The following ANKRD10 variants were observed in gnomAD, a reference collection of about 807,000 sequenced individuals.
The protein encoded by ANKRD10 is ankyrin repeat domain 10, also known as ankyrin repeat domain-containing protein 10.
A neutral mutation model predicts 27.0 loss-of-function variants in ANKRD10; 14 were observed. The ratio of observed to expected loss-of-function variants is 0.52; its 90% CI spans 0.34 to 0.81. The LOEUF (loss-of-function observed/expected upper bound fraction) is 0.81, where lower values mean the gene tolerates loss of function less well. ANKRD10 is among the 40% of genes least tolerant of loss of function. The pLI is 0.01. For missense variants in ANKRD10, 493 were observed against 544.0 expected (o/e 0.91, Z 0.93); for synonymous variants, 250 against 224.5 (o/e 1.11, Z -1.01).
In ANKRD10 at chr13:110,914,801, G is replaced by A; in HGVS notation, c.134C>T (p.Thr45Ile). ...LATLCSLLQQTPHAHLASEDS... is the reference protein window; with the variant it reads ...LATLCSLLQQIPHAHLASEDS... ...CTCAGAGGCCAGGTGGGCGTGGGGT[G>A]TCTGCTGCAGCAGCGAGCAGAGCGT... The change falls in exon 1 of 6, where the codon ACA becomes ATA. Residue 45 changes from threonine to isoleucine, a missense_variant. Transcript: ENST00000267339. The A allele has an allele frequency of 1.9e-6, 3 of 1,594,452 alleles. No homozygotes were observed. The highest frequency in any genetic ancestry group is 1.1e-5 in the South Asian group (1 of 87,980).
At chr13:110,891,386 T>C (rs548776554) in intron 4 of ANKRD10, among the ~76,000 whole-genome samples, 1 of 152,342 alleles carries the variant, frequency 6.6e-6, no homozygotes, top group Non-Finnish European at 1.5e-5. Context: ...AAAGACCATT[T>C]TGAATTTTAT....
chr13:110,891,818 CT>C (rs1415513482), intron 4 of ANKRD10, among the ~76,000 whole-genome samples: 1 of 151,594 alleles, frequency 6.6e-6, no homozygotes, highest in African/African-American at 2.4e-5. Context: ...ACCTCTCCCC[CT>C]AAGTTCACTA....
At chr13:110,888,840 T>C (rs2065002449) in intron 4 of ANKRD10, among the ~76,000 whole-genome samples, 1 of 152,230 alleles carries the variant, frequency 6.6e-6, no homozygotes, top group South Asian at 2.1e-4. Flanking sequence ...ATGAATGAGA[T>C]TCTAAGATCA....
At chr13:110,894,146 A>T (rs1024589155) in intron 3 of ANKRD10, 1 of 1,612,276 alleles carries the variant, frequency 6.2e-7, no homozygotes, top group African/African-American at 1.3e-5. Context: ...ATCAAAAGTA[A>T]CTCCATGTTG....
chr13:110,908,599 T>C (rs187590821), intron 2 of ANKRD10, among the ~76,000 whole-genome samples: 19 of 152,322 alleles, frequency 1.2e-4, no homozygotes, highest in Admixed American at 2.6e-4. Flanking sequence ...AAAACCTGGA[T>C]TGGATTTGGC....
chr13:110,906,014 A>G lies in ANKRD10; in HGVS notation c.455+19T>C, dbSNP rs530184381. ...TCAACTACATCTTTAGCTGGAAAGA[A>G]TAAACGAAAGACACTTACTCGACGT... On this transcript the variant is annotated intron_variant, in intron 3 of 5. Transcript: ENST00000267339. The G allele has an allele frequency of 6.4e-7, 1 of 1,571,746 alleles. No homozygotes were observed. Among genetic ancestry groups the G allele is most frequent in the South Asian group, 1.2e-5 (1 of 86,212 alleles).
At chr13:110,894,222 C>T (rs1032974580) in intron 3 of ANKRD10, 6 of 1,551,494 alleles carry the variant, frequency 3.9e-6, no homozygotes, top group Non-Finnish European at 5.3e-6. Context: ...AGCAGACATC[C>T]TGTTAGCTGC....
At position 110,879,617 on chromosome 13, in the gene ANKRD10, C is replaced by T. The variant is rs761873732; in HGVS notation, c.*20G>A. On this transcript the variant is annotated 3_prime_UTR_variant, in exon 6 of 6. Coordinates refer to ENST00000267339, the MANE Select transcript of ANKRD10 (RefSeq NM_017664.4). ...CTACCAGGAAGGACTCCTGCGTTTC[C>T]GAGAGCCAGGTCAGCGTCTCTAGGA... is the stretch of plus-strand genomic sequence containing the variant. 54 of 1,589,606 alleles carry T rather than the reference C, an allele frequency of 3.4e-5. No homozygotes were observed. The highest frequency in any genetic ancestry group is 1.5e-4 in the African/African-American group (11 of 74,424).
intron 2 of ANKRD10, among the ~76,000 whole-genome samples, chr13:110,909,737 G>C (rs2065641316): frequency 1.3e-5 from 2 of 152,168 alleles, no homozygotes; most frequent in Admixed American, 1.3e-4. Context: ...TGGGTTTTTA[G>C]AAGAGGGACT....
chr13:110,913,463 G>A (rs1469244066), intron 1 of ANKRD10, among the ~76,000 whole-genome samples: 1 of 152,222 alleles, frequency 6.6e-6, no homozygotes. Flanking sequence ...CAGTGCCACA[G>A]GAACCTAACA....
At chr13:110,880,675 C>T (rs774806714) in intron 5 of ANKRD10, among the ~76,000 whole-genome samples, 3 of 152,112 alleles carry the variant, frequency 2.0e-5, no homozygotes, top group Non-Finnish European at 2.9e-5. Flanking sequence ...GACTCTTGAC[C>T]CTCTCCTAAG....
At chr13:110,891,634 T>C (rs978868024) in intron 4 of ANKRD10, among the ~76,000 whole-genome samples, 4 of 152,192 alleles carry the variant, frequency 2.6e-5, no homozygotes, top group Non-Finnish European at 5.9e-5. Context: ...AAAGATGATG[T>C]TGGTTCATGA....
At chr13:110,892,856 C>T (rs2065119353) in intron 4 of ANKRD10, 172 bp downstream of exon 4, 3 of 1,418,938 alleles carry the variant, frequency 2.1e-6, no homozygotes, top group South Asian at 3.2e-5. Flanking sequence ...TGTTAAGTCC[C>T]ATCTTCGCAG....
rs1173385032 is a variant in ANKRD10, at chr13:110,914,872, C to G, written c.63G>C (p.Ser21=). Residue 21 remains serine (S), a synonymous_variant, in exon 1 of 6, where the codon TCG becomes TCC. Transcript: ENST00000267339. ...EAGFSSEELL[S]LRFPLHRACR... Reference sequence around the variant, plus strand: ...AGGCGCGGTGCAGCGGGAAACGGAGCGAGAGCAGCTCCTCGCTGGAGAAGC... The same window carrying G: ...AGGCGCGGTGCAGCGGGAAACGGAGGGAGAGCAGCTCCTCGCTGGAGAAGC... 1.9e-6 allele frequency: 3 copies of G among 1,549,752 alleles called. No homozygotes were observed. In the South Asian group the frequency reaches 3.6e-5, roughly 18 times the overall value.
intron 4 of ANKRD10, among the ~76,000 whole-genome samples, chr13:110,888,200 A>C (rs1292091114): frequency 6.6e-6 from 1 of 150,690 alleles, no homozygotes; most frequent in African/African-American, 2.4e-5. Flanking sequence ...GGCTCAAATA[A>C]TACAAAAGCG....
rs562264808 is a variant in ANKRD10, at chr13:110,901,403, T to C, written c.455+4630A>G. 6.6e-5 allele frequency among the ~76,000 whole-genome samples: 10 copies of C among 152,328 alleles called. No homozygotes were observed. The East Asian group carries it at 1.9e-3, about 29-fold the overall frequency. On this transcript the variant is annotated intron_variant, in intron 3 of 5. Coordinates refer to ENST00000267339, the MANE Select transcript of ANKRD10 (RefSeq NM_017664.4). ...AAAATTATGTTTTCAAACATTAAAA[T>C]GTAAAACCATCATTCCAGTAGTCTG...
intron 4 of ANKRD10, 86 bp downstream of exon 4, chr13:110,892,942 C>T: frequency 6.5e-7 from 1 of 1,539,790 alleles, no homozygotes; most frequent in Admixed American, 1.9e-5. Flanking sequence ...AAGGTCTCAT[C>T]TCGAAGGTGC....
intron 4 of ANKRD10, 123 bp from the exon 5 acceptor site, chr13:110,883,916 C>G (rs1202471464): frequency 1.1e-5 from 12 of 1,123,980 alleles, no homozygotes; most frequent in Admixed American, 2.9e-5. Flanking sequence ...AAAAAAAAAT[C>G]GACAGGTCAC....
chr13:110,885,939 G>GT (rs2064918385), intron 4 of ANKRD10, among the ~76,000 whole-genome samples: 1 of 152,230 alleles, frequency 6.6e-6, no homozygotes, highest in African/African-American at 2.4e-5. Context: ...AAGCTGGGGT[G>GT]TTTGTCTTCT....
Sources: gnomAD v4.1 joint callset for allele counts (sites outside exome capture counted in the v4.1 genomes callset) on GRCh38, gnomAD v4.1.1 for gene constraint, MANE v1.5 for transcripts, NCBI Gene and HGNC (gene_info 2026-07-23, HGNC 2026-07-21) for gene names.